The following CSMD2 variants were observed in gnomAD, a reference collection of about 807,000 sequenced individuals.
The protein encoded by CSMD2 is CUB and sushi domain-containing protein 2.
Under a neutral mutation model 398.5 loss-of-function variants are expected in CSMD2, and 130 were observed. The observed-to-expected ratio is 0.33, with a 90% CI of 0.28 to 0.38. The LOEUF is 0.38. Ranked by LOEUF, CSMD2 falls within the 10% of genes least tolerant of loss-of-function variation. CSMD2 has a pLI of 1.00. For synonymous variants in CSMD2, 1,828 were observed against 1,908.5 expected (o/e 0.96, Z 1.10); for missense variants, 3,829 against 4,764.9 (o/e 0.80, Z 5.78).
rs889429197 is a variant in CSMD2, at chr1:33,920,884, A to T, written c.713-2583T>A. 3.9e-5 allele frequency among the ~76,000 whole-genome samples: 6 copies of T among 152,300 alleles called. No individual in the cohort carries two copies. The South Asian group carries it at 1.2e-3, about 32-fold the overall frequency. The stretch of plus-strand genomic sequence containing the variant: ...TGAGACATAGTCAGAGTCTGGCTTC[A>T]TTTCCAACACTGAGCTGGCAGCATA... On this transcript the variant is annotated intron_variant, in intron 4 of 70. Coordinates refer to ENST00000373381, the MANE Select transcript of CSMD2 (RefSeq NM_001281956.2).
chr1:34,036,795 T>C (rs183755220), intron 2 of CSMD2, among the ~76,000 whole-genome samples: 151 of 152,344 alleles, frequency 9.9e-4, no homozygotes, highest in African/African-American at 3.5e-3. Flanking sequence ...GTTTCATGAA[T>C]ACAAATCTAC....
At chr1:33,562,110 T>C (rs1658617293) in intron 53 of CSMD2, among the ~76,000 whole-genome samples, 1 of 151,728 alleles carries the variant, frequency 6.6e-6, no homozygotes, top group Admixed American at 6.6e-5. Context: ...GCCAAGAGCC[T>C]CAAGAATTGT....
At chr1:33,632,377 A>G (rs908351353) in intron 32 of CSMD2, among the ~76,000 whole-genome samples, 2 of 152,134 alleles carry the variant, frequency 1.3e-5, no homozygotes. Flanking sequence ...AGCATATTAT[A>G]TATATTTATG....
chr1:33,903,388 C>G (rs1310210160), intron 5 of CSMD2, among the ~76,000 whole-genome samples: 2 of 149,100 alleles, frequency 1.3e-5, no homozygotes, highest in East Asian at 3.9e-4. Context: ...AAGATCCTTT[C>G]TAGCACTGAT....
intron 3 of CSMD2, among the ~76,000 whole-genome samples, chr1:34,013,929 C>T (rs1364675644): frequency 6.6e-6 from 1 of 152,186 alleles, no homozygotes; most frequent in South Asian, 2.1e-4. Flanking sequence ...CTTCTCACAC[C>T]TAACAGTCTG....
At chr1:33,579,681 A>ATT (rs879300584) in intron 48 of CSMD2, among the ~76,000 whole-genome samples, 7 of 143,110 alleles carry the variant, frequency 4.9e-5, no homozygotes, top group Middle Eastern at 3.6e-3. Flanking sequence ...TTTTTTTTTA[A>ATT]TTTTTTTTTT....
At chr1:33,677,454 A>C (rs1644756034) in intron 25 of CSMD2, among the ~76,000 whole-genome samples, 1 of 152,202 alleles carries the variant, frequency 6.6e-6, no homozygotes, top group Non-Finnish European at 1.5e-5. Context: ...TAAGTCAGGA[A>C]ACAACAGGTG....
At position 33,533,778 on chromosome 1, in the gene CSMD2, G is replaced by A. The variant is rs531586167; in HGVS notation, c.9991+18C>T. ...GCAAGAGGAATTTTCTTGGGATGTG[G>A]GTGAAGTCTGCACTCACGGACACAG... On this transcript the variant is annotated intron_variant, in intron 63 of 70. Coordinates refer to ENST00000373381, the MANE Select transcript of CSMD2 (RefSeq NM_001281956.2). This position sits in a 1 kb window ranked among gnomAD's most constrained non-coding sequence, Gnocchi z 4.2. 6 of 1,531,680 alleles carry A rather than the reference G, an allele frequency of 3.9e-6. No homozygotes were observed. The highest frequency in any genetic ancestry group is 5.4e-6 in the Non-Finnish European group (6 of 1,105,280). 94.9% of individuals were successfully genotyped at this position (1,531,680 alleles called of 1,614,324 possible).
In CSMD2 at chr1:33,644,907, G is replaced by A. The variant is rs573946987; in HGVS notation, c.4774+1741C>T. Among the ~76,000 whole-genome samples the A allele has an allele frequency of 7.9e-5, 12 of 152,294 alleles. No individual in the cohort carries two copies. The South Asian group carries it at 1.9e-3, about 24-fold the overall frequency. On this transcript the variant is annotated intron_variant, in intron 29 of 70. Coordinates refer to ENST00000373381, the MANE Select transcript of CSMD2 (RefSeq NM_001281956.2). ...AATATCCATTGCCTAGGCCAGCCCC[G>A]TGAGGCAAGAAGACTACAAGTAAAA...
At chr1:34,036,220 G>A (rs1221371678) in intron 2 of CSMD2, among the ~76,000 whole-genome samples, 2 of 152,212 alleles carry the variant, frequency 1.3e-5, no homozygotes, top group African/African-American at 4.8e-5. Context: ...ATTGTTCATA[G>A]CAGCTTTATT....
chr1:34,014,519 CCT>C (rs942520122), intron 3 of CSMD2, among the ~76,000 whole-genome samples: 14 of 152,238 alleles, frequency 9.2e-5, no homozygotes, highest in Non-Finnish European at 1.8e-4. Context: ...TGGCTCAGAG[CCT>C]GGGAATTCCC....
chr1:33,864,763 T>C (rs747231486), intron 5 of CSMD2: 3 of 1,586,654 alleles, frequency 1.9e-6, no homozygotes, highest in East Asian at 2.2e-5. Context: ...TGGATCCAGT[T>C]TGAAAAAACA....
chr1:33,786,748 A>G (rs549038870), intron 12 of CSMD2, among the ~76,000 whole-genome samples: 2 of 152,150 alleles, frequency 1.3e-5, no homozygotes, highest in South Asian at 2.1e-4. Flanking sequence ...GTCACCCCAT[A>G]AGTATTTTCT....
intron 32 of CSMD2, among the ~76,000 whole-genome samples, chr1:33,627,783 T>C (rs1244597372): frequency 6.6e-6 from 1 of 152,224 alleles, no homozygotes; most frequent in Non-Finnish European, 1.5e-5. Context: ...ATCCCTTTGA[T>C]ATCACTGCCA....
At chr1:34,043,678 A>C (rs1652143077) in intron 2 of CSMD2, among the ~76,000 whole-genome samples, 1 of 152,236 alleles carries the variant, frequency 6.6e-6, no homozygotes. Flanking sequence ...CCAGCTTACA[A>C]GTATAATCCC....
intron 1 of CSMD2, among the ~76,000 whole-genome samples, chr1:34,141,018 G>A (rs1315883282): frequency 6.6e-6 from 1 of 151,930 alleles, no homozygotes; most frequent in Non-Finnish European, 1.5e-5. Flanking sequence ...ATTTCCTCCT[G>A]TGAATATAGG....
At position 34,163,089 on chromosome 1, in the gene CSMD2, G is replaced by A. The variant is rs1267366531; in HGVS notation, c.187+1822C>T. ...TGAGTCGGCCTTTTTCTCTCCCCTAGGGGCAGGATATGCCCAAGGGGCAGG... is the reference window on the plus strand; with the variant it reads ...TGAGTCGGCCTTTTTCTCTCCCCTAAGGGCAGGATATGCCCAAGGGGCAGG... On this transcript the variant is annotated intron_variant, in intron 1 of 70. Transcript: ENST00000373381. The surrounding 1 kb of genome is among the most constrained non-coding windows in gnomAD (Gnocchi z 5.4). Among the ~76,000 whole-genome samples, 2 of 152,226 alleles carry A rather than the reference G, an allele frequency of 1.3e-5. No homozygotes were observed. Among genetic ancestry groups the A allele is most frequent in the African/African-American group, 4.8e-5 (2 of 41,468 alleles).
intron 10 of CSMD2, among the ~76,000 whole-genome samples, chr1:33,802,769 C>T (rs1393983371): frequency 6.6e-6 from 1 of 152,190 alleles, no homozygotes; most frequent in African/African-American, 2.4e-5. Context: ...ATCCCGTGGC[C>T]CTCTCACTCC....
At chr1:34,161,432 A>T (rs1641318733) in intron 1 of CSMD2, among the ~76,000 whole-genome samples, 1 of 152,180 alleles carries the variant, frequency 6.6e-6, no homozygotes, top group Non-Finnish European at 1.5e-5. Context: ...GGGAAAAAGT[A>T]CAAAGAATTA....
Sources: allele counts gnomAD v4.1 joint callset (sites outside exome capture counted in the v4.1 genomes callset), GRCh38; gene constraint gnomAD v4.1.1; non-coding constraint Gnocchi (gnomAD v3.1); transcripts MANE v1.5; gene names NCBI Gene and HGNC (gene_info 2026-07-23, HGNC 2026-07-21).